FHIT: variants seen among roughly 807,000 people sequenced by gnomAD.
FHIT encodes bis(5'-adenosyl)-triphosphatase.
In FHIT, 19 loss-of-function variants were observed where a neutral mutation model predicts 17.9. The ratio of observed to expected loss-of-function variants is 1.06; its 90% CI spans 0.74 to 1.56. The LOEUF is 1.56. FHIT is among the 40% of genes most tolerant of loss of function. The pLI, the probability that FHIT is intolerant of heterozygous loss-of-function variation, is 0.00. For synonymous variants in FHIT, 81 were observed against 69.7 expected (o/e 1.16, Z -0.81); for missense variants, 248 against 189.2 (o/e 1.31, Z -1.82).
intron 5 of FHIT, among the ~76,000 whole-genome samples, chr3:60,496,191 C>T (rs576155143): frequency 6.6e-6 from 1 of 152,026 alleles, no homozygotes; most frequent in African/African-American, 2.4e-5. Flanking sequence ...TGTCCCGACC[C>T]CATCACACAT....
intron 4 of FHIT, among the ~76,000 whole-genome samples, chr3:60,786,964 G>A (rs1354478133): frequency 6.7e-6 from 1 of 149,846 alleles, no homozygotes; most frequent in Admixed American, 6.7e-5. Context: ...AAAGAAGAAA[G>A]GGAGGAAAAG....
At chr3:60,266,414 A>C (rs902464575) in intron 5 of FHIT, among the ~76,000 whole-genome samples, 3 of 152,082 alleles carry the variant, frequency 2.0e-5, no homozygotes, top group Non-Finnish European at 2.9e-5. Flanking sequence ...GAGAAACAGA[A>C]ATGACTGCTA....
intron 2 of FHIT, among the ~76,000 whole-genome samples, chr3:61,054,187 C>A (rs957910757): frequency 6.6e-6 from 1 of 152,156 alleles, no homozygotes; most frequent in Non-Finnish European, 1.5e-5. Flanking sequence ...ACACTTCTTA[C>A]AGATTATGCA....
At chr3:60,112,911 C>T (rs1237690377) in intron 5 of FHIT, among the ~76,000 whole-genome samples, 2 of 152,162 alleles carry the variant, frequency 1.3e-5, no homozygotes, top group African/African-American at 4.8e-5. Context: ...CACTTTAAGC[C>T]ATTTGCTGAC....
chr3:60,243,360 C>T (rs1041414193), intron 5 of FHIT, among the ~76,000 whole-genome samples: 5 of 152,114 alleles, frequency 3.3e-5, no homozygotes, highest in African/African-American at 1.2e-4. Flanking sequence ...AAACAAATAA[C>T]ATCAACAAAC....
At chr3:60,328,808 C>G (rs1255846853) in intron 5 of FHIT, among the ~76,000 whole-genome samples, 1 of 152,166 alleles carries the variant, frequency 6.6e-6, no homozygotes, top group African/African-American at 2.4e-5. Context: ...TTACCAGGAG[C>G]AGTTTTCCCA....
intron 4 of FHIT, among the ~76,000 whole-genome samples, chr3:60,633,363 A>C (rs1342359606): frequency 1.3e-5 from 2 of 151,418 alleles, no homozygotes; most frequent in African/African-American, 2.5e-5. Context: ...AAGCTAAATC[A>C]AATAATATGT....
chr3:59,922,490 G>A, intron 7 of FHIT, 76 bp from the exon 8 acceptor site: 1 of 1,227,536 alleles, frequency 8.1e-7, no homozygotes, highest in Non-Finnish European at 1.2e-6. Flanking sequence ...ATGCTCTCAT[G>A]AAGCCCAATT....
At chr3:60,151,412 A>C (rs1212884763) in intron 5 of FHIT, among the ~76,000 whole-genome samples, 2 of 152,152 alleles carry the variant, frequency 1.3e-5, no homozygotes, top group African/African-American at 4.8e-5. Flanking sequence ...GTTACTTCCA[A>C]AGCCTCCTAA....
intron 8 of FHIT, among the ~76,000 whole-genome samples, chr3:59,763,477 G>A (rs1429187681): frequency 1.3e-5 from 2 of 152,216 alleles, no homozygotes; most frequent in East Asian, 3.8e-4. Context: ...GAACAATCCA[G>A]ATCCCCAAGC....
intron 5 of FHIT, among the ~76,000 whole-genome samples, chr3:60,525,074 T>C (rs1459859874): frequency 6.6e-6 from 1 of 152,134 alleles, no homozygotes; most frequent in Non-Finnish European, 1.5e-5. Flanking sequence ...TTGGCTTTAG[T>C]TAGAAGAAGG....
At chr3:59,966,227 A>T (rs1707920723) in intron 7 of FHIT, among the ~76,000 whole-genome samples, 1 of 152,148 alleles carries the variant, frequency 6.6e-6, no homozygotes, top group Non-Finnish European at 1.5e-5. Flanking sequence ...CTGGCACCCA[A>T]GAGAGAAAGC....
intron 5 of FHIT, among the ~76,000 whole-genome samples, chr3:60,149,121 C>T (rs1237173307): frequency 2.6e-5 from 4 of 152,268 alleles, no homozygotes; most frequent in South Asian, 4.1e-4. Context: ...CCTAATTGAA[C>T]GTGAAAGACA....
Position 59,753,360 on chromosome 3 carries a change from G to C in FHIT, c.349-1039C>G, listed in dbSNP as rs571673367. The stretch of plus-strand genomic sequence containing the variant: ...CATTTAAATTCCTCCTCAGATTACA[G>C]GCATATTTAAAAAATTGTGTGTATG... On this transcript the variant is annotated intron_variant, in intron 8 of 9. Transcript: ENST00000492590. Among the ~76,000 whole-genome samples the C allele has an allele frequency of 1.1e-4, 16 of 152,218 alleles. No individual in the cohort carries two copies. The South Asian group carries it at 3.3e-3, about 32-fold the overall frequency.
chr3:59,811,713 C>T (rs1450892887), intron 8 of FHIT, among the ~76,000 whole-genome samples: 2 of 152,320 alleles, frequency 1.3e-5, no homozygotes, highest in East Asian at 1.9e-4. Context: ...GAAACAGTCA[C>T]TGCTGCAGAG....
chr3:60,428,630 G>A (rs987138224), intron 5 of FHIT, among the ~76,000 whole-genome samples: 1 of 152,124 alleles, frequency 6.6e-6, no homozygotes, highest in East Asian at 1.9e-4. Flanking sequence ...AAACTTGACA[G>A]CATAAAGGAA....
At chr3:60,445,663 T>TTCAG (rs1162835397) in intron 5 of FHIT, among the ~76,000 whole-genome samples, 1 of 152,094 alleles carries the variant, frequency 6.6e-6, no homozygotes, top group Non-Finnish European at 1.5e-5. Flanking sequence ...GTAATTTTAC[T>TTCAG]TAAGCCTGTC....
Position 60,671,579 on chromosome 3 carries a change from A to G in FHIT, c.-17-134600T>C, listed in dbSNP as rs545786112. On this transcript the variant is annotated intron_variant, in intron 4 of 9. Transcript: ENST00000492590. Reference sequence around the variant, plus strand: ...ACGTTTAATTTTTTCATAATACAATATTGAAAAAAAAATCCCGCTCTTGAT... The same window carrying G: ...ACGTTTAATTTTTTCATAATACAATGTTGAAAAAAAAATCCCGCTCTTGAT... 1.2e-3 allele frequency among the ~76,000 whole-genome samples: 185 copies of G among 152,190 alleles called. 3 individuals are homozygous for G. Among genetic ancestry groups the G allele is most frequent in the Non-Finnish European group, 5.9e-5 (4 of 68,012 alleles).
chr3:60,738,597 G>A (rs1273225909), intron 4 of FHIT, among the ~76,000 whole-genome samples: 1 of 152,242 alleles, frequency 6.6e-6, no homozygotes, highest in Non-Finnish European at 1.5e-5. Flanking sequence ...ATTTGAAGAA[G>A]AGCTATCCCT....
Sources: allele counts gnomAD v4.1 joint callset (sites outside exome capture counted in the v4.1 genomes callset), GRCh38; gene constraint gnomAD v4.1.1; transcripts MANE v1.5; gene names NCBI Gene and HGNC (gene_info 2026-07-23, HGNC 2026-07-21).